HERC2: variants seen among roughly 807,000 people sequenced by gnomAD.
HERC2 encodes HECT and RLD domain containing E3 ubiquitin protein ligase 2.
A neutral mutation model predicts 537.7 loss-of-function variants in HERC2; 102 were observed. The ratio of observed to expected loss-of-function variants is 0.19; its 90% confidence interval spans 0.16 to 0.22. The LOEUF (loss-of-function observed/expected upper bound fraction) is 0.22. Ranked by LOEUF, HERC2 falls within the 10% of genes least tolerant of loss-of-function variation. The pLI is 1.00. For synonymous variants in HERC2, 2,224 were observed against 2,466.2 expected, an observed-to-expected ratio of 0.90 and a Z score of 2.91; for missense variants, 4,236 against 6,198.2, an observed-to-expected ratio of 0.68 and a Z score of 10.63.
At position 28,202,206 on chromosome 15, in the gene HERC2, T is replaced by C. The variant is rs766315236; in HGVS notation, c.7524A>G (p.Ile2508Met). 19 of 1,604,534 alleles carry C rather than the reference T, an allele frequency of 1.2e-5. No homozygotes were observed. In the South Asian group the frequency reaches 2.0e-4, roughly 17 times the overall value. The change falls in exon 47 of 93, where the codon ATA becomes ATG. Residue 2508 changes from isoleucine to methionine, a missense_variant. By Grantham distance (10) the Ile-to-Met change is conservative. Transcript: ENST00000261609. The stretch of plus-strand genomic sequence containing the variant: ...CTGCATCTGAGAGCTCCGTGACCTG[T>C]ATGTCGGAGTGGTCCAGCAGCCACC... ...LVGWLLDHSD[I>M]QVTELSDADT...
chr15:28,187,321 G>A (rs1209627288), intron 55 of HERC2, among the ~76,000 whole-genome samples: 1 of 151,450 alleles, frequency 6.6e-6, no homozygotes, highest in Admixed American at 6.6e-5. Flanking sequence ...AAGGAGGTCT[G>A]GTTTTTTTTT....
intron 84 of HERC2, 34 bp downstream of exon 84, chr15:28,124,972 T>C (rs1156399523): frequency 6.4e-7 from 1 of 1,566,544 alleles, no homozygotes; most frequent in Non-Finnish European, 8.7e-7. Context: ...CACACTTTGC[T>C]TGCCCCCGAC....
chr15:28,181,093 TAAG>T (rs1447321071), intron 57 of HERC2, among the ~76,000 whole-genome samples: 1 of 152,208 alleles, frequency 6.6e-6, no homozygotes, highest in Non-Finnish European at 1.5e-5. Flanking sequence ...CTGACATCTC[TAAG>T]AAATCATATG....
At chr15:28,155,665 C>T (rs1229856343) in intron 69 of HERC2, among the ~76,000 whole-genome samples, 1 of 151,586 alleles carries the variant, frequency 6.6e-6, no homozygotes, top group African/African-American at 2.4e-5. Flanking sequence ...GATATTAGAC[C>T]TTTGTCAGAT....
chr15:28,143,298 CAGTT>C (rs1282398316), intron 74 of HERC2, among the ~76,000 whole-genome samples: 3 of 152,108 alleles, frequency 2.0e-5, no homozygotes, highest in Non-Finnish European at 4.4e-5. Context: ...GGAGGCCAAT[CAGTT>C]AGCCTCATTG....
chr15:28,202,262 C>T lies in HERC2; in HGVS notation c.7481-13G>A. On this transcript the variant is annotated splice_polypyrimidine_tract_variant and intron_variant, in intron 46 of 92. Transcript: ENST00000261609. ...AAGGCTTCCACACCTAAGAGAGGCA[C>T]ACACAGCACAGCAGCCACTGTGAGT... The T allele has an allele frequency of 6.2e-7, 1 of 1,612,270 alleles. No homozygotes were observed. Among genetic ancestry groups the T allele is most frequent in the South Asian group, 1.1e-5 (1 of 90,970 alleles).
intron 71 of HERC2, among the ~76,000 whole-genome samples, chr15:28,145,159 G>A (rs1891606639): frequency 6.6e-6 from 1 of 152,200 alleles, no homozygotes; most frequent in Non-Finnish European, 1.5e-5. Flanking sequence ...AGGGGCCATG[G>A]GGACATTTCC....
chr15:28,230,838 A>G (rs1219125958), intron 30 of HERC2, among the ~76,000 whole-genome samples: 1 of 152,012 alleles, frequency 6.6e-6, no homozygotes, highest in Non-Finnish European at 1.5e-5. Flanking sequence ...AAAAGTAACC[A>G]CAGATAAAGC....
intron 4 of HERC2, among the ~76,000 whole-genome samples, chr15:28,286,226 TAGAAGCTAATAGAAGCTAATATTA>T (rs2076155179): frequency 6.6e-6 from 1 of 151,854 alleles, no homozygotes; most frequent in Admixed American, 6.6e-5. Context: ...AAGCTAATAT[TAGAAGCTAATAGAAGCTAATATTA>T]AGAAGCTAAT....
chr15:28,235,989 T>G (rs1902397159), intron 26 of HERC2, among the ~76,000 whole-genome samples: 1 of 152,200 alleles, frequency 6.6e-6, no homozygotes, highest in Non-Finnish European at 1.5e-5. Flanking sequence ...ATAACTGACT[T>G]GAGCCTGGTC....
chr15:28,111,898 G>A lies in HERC2; in HGVS notation c.14370C>T (p.Ser4790=). ...KLKYAIHFCK[S]IDTDDYARIA... ...TGCGAGCGTAGTCATCTGTGTCTAT[G>A]GACTTGCAGAAGTGGATGGCGTACT... Residue 4790 remains serine, a synonymous_variant, in exon 93 of 93, where the codon TCC becomes TCT. Transcript: ENST00000261609. 1 of 1,614,222 alleles carries A rather than the reference G, an allele frequency of 6.2e-7. No individual in the cohort carries two copies. The highest frequency in any genetic ancestry group is 8.5e-7 in the Non-Finnish European group (1 of 1,180,042).
rs1339158076 is a variant in HERC2 at position 28,210,279 on chromosome 15, G to A, written c.7069+723C>T. 5.9e-5 allele frequency among the ~76,000 whole-genome samples: 9 copies of A among 152,016 alleles called. No individual in the cohort carries two copies. In the East Asian group the frequency reaches 1.2e-3, roughly 20 times the overall value. On this transcript the variant is annotated intron_variant, in intron 44 of 92. Transcript: ENST00000261609. ...CTCCCAAGTAGCTAGAACTACAGGC[G>A]TCCGCCACCGTGCCCAGCTAATGTT...
chr15:28,269,354 C>T lies in HERC2; in HGVS notation c.1340G>A (p.Gly447Asp), dbSNP rs768645158. The T allele has an allele frequency of 6.2e-7, 1 of 1,614,078 alleles. No individual in the cohort carries two copies. Among genetic ancestry groups the T allele is most frequent in the African/African-American group, 1.3e-5 (1 of 74,938 alleles). The part of the protein sequence containing the change: ...ANVIGPIQCE[G>D]LANLGVTQIA... ...CTGTGTGACTCCCAGGTTGGCCAGG[C>T]CTTCGCACTGGATTGGACCAATCAC... Residue 447 changes from glycine to aspartate, a missense_variant, in exon 11 of 93, where the codon GGC becomes GAC. By Grantham distance (94) the Gly-to-Asp change is moderately conservative. Around this residue, in one of 27 missense-constraint regions of HERC2, gnomAD observed 491 missense variants for 559.3 expected, o/e 0.88. Transcript: ENST00000261609.
intron 63 of HERC2, among the ~76,000 whole-genome samples, chr15:28,175,865 CAT>C (rs1596131452): frequency 6.6e-6 from 1 of 152,078 alleles, no homozygotes; most frequent in African/African-American, 2.4e-5. Flanking sequence ...TACCTTAATA[CAT>C]ATTTTATGAT....
chr15:28,256,883 C>T (rs2075279757), intron 17 of HERC2, among the ~76,000 whole-genome samples, 178 bp downstream of exon 17: 1 of 152,226 alleles, frequency 6.6e-6, no homozygotes, highest in African/African-American at 2.4e-5. Context: ...GCGTGAGCCA[C>T]CGCGCCCAGC....
Position 28,202,346 on chromosome 15 carries a change from C to T in HERC2, c.7480+1G>A. The stretch of plus-strand genomic sequence containing the variant: ...AAGCAGAGGCCAGGAAAACGAAGTA[C>T]CAGGCAAGCTGGATGCATTCCCGGA... On this transcript the variant is annotated splice_donor_variant, in intron 46 of 92. Transcript: ENST00000261609. LOFTEE classifies it high-confidence loss of function. 1 of 1,613,752 alleles carries T rather than the reference C, an allele frequency of 6.2e-7. No homozygotes were observed. Among genetic ancestry groups the T allele is most frequent in the East Asian group, 2.2e-5 (1 of 44,868 alleles).
intron 2 of HERC2, among the ~76,000 whole-genome samples, chr15:28,309,828 T>C (rs2076891400): frequency 6.6e-6 from 1 of 152,218 alleles, no homozygotes; most frequent in Admixed American, 6.5e-5. Flanking sequence ...TAACTTGTTC[T>C]GTAGCGACAG....
chr15:28,247,422 T>C (rs1278238722), intron 21 of HERC2, among the ~76,000 whole-genome samples: 1 of 6,466 alleles, frequency 1.5e-4, no homozygotes. Flanking sequence ...TACATGGTTC[T>C]TTTTTTTTTT....
Position 28,269,381 on chromosome 15 carries a change from T to C in HERC2, c.1313A>G (p.Asn438Ser), listed in dbSNP as rs370832566. The C allele has an allele frequency of 3.7e-6, 6 of 1,614,204 alleles. No homozygotes were observed. In the African/African-American group the frequency reaches 4.0e-5, roughly 11 times the overall value. ...WGLIGWKYYA[N>S]VIGPIQCEGL... ...TTCGCACTGGATTGGACCAATCACA[T>C]TGGCATAGTATTTCCATCCTATTAA... Residue 438 changes from asparagine to serine, a missense_variant, in exon 11 of 93, where the codon AAT (asparagine) becomes AGT (serine). Physicochemically the swap from Asn to Ser is conservative, Grantham distance 46. This residue lies in a region of HERC2 where 491 missense variants were observed against 559.3 expected (regional missense o/e 0.88). Coordinates refer to ENST00000261609, the MANE Select transcript of HERC2 (RefSeq NM_004667.6).
Sources: gnomAD v4.1 joint callset for allele counts (sites outside exome capture counted in the v4.1 genomes callset) on GRCh38, gnomAD v4.1.1 for gene constraint, gnomAD v4.1.1 regional missense constraint, MANE v1.5 for transcripts, NCBI Gene and HGNC (gene_info 2026-07-23, HGNC 2026-07-21) for gene names.